Variants in CIPC observed in about 807,000 individuals in gnomAD.
The protein encoded by CIPC is CLOCK-interacting pacemaker.
In CIPC, 12 loss-of-function variants were observed where a neutral mutation model predicts 26.7. The observed-to-expected ratio is 0.45, with a 90% confidence interval of 0.29 to 0.73. The LOEUF (loss-of-function observed/expected upper bound fraction) is 0.73, where lower values mean the gene tolerates loss of function less well. Ranked by LOEUF, CIPC falls within the 30% of genes least tolerant of loss-of-function variation. The pLI is 0.12. For missense variants in CIPC, 417 were observed against 486.5 expected (o/e 0.86, Z 1.34); for synonymous variants, 170 against 189.8 (o/e 0.90, Z 0.86).
rs1196741275 is a variant in CIPC at position 77,115,095 on chromosome 14, C to T, written c.*777C>T. The T allele has an allele frequency of 1.3e-5, 2 of 152,222 alleles. No homozygotes were observed. Among genetic ancestry groups the T allele is most frequent in the Admixed American group, 6.5e-5 (1 of 15,272 alleles). The allele number at this position is 152,222 out of a possible 1,614,324, so 9.4% of individuals were successfully genotyped here. On this transcript the variant is annotated 3_prime_UTR_variant, in exon 4 of 4. Transcript: ENST00000361786. ...GAAAATAGACATAGCCGGCATATCT[C>T]ATGGTCAGGAGCTGGACGATTCTGG...
intron 1 of CIPC, among the ~76,000 whole-genome samples, chr14:77,100,240 CTTTTTTT>C (rs57785837): frequency 7.7e-6 from 1 of 130,522 alleles, no homozygotes; most frequent in South Asian, 2.3e-4. Context: ...TTCTTTCTTT[CTTTTTTT>C]TTTTTTTTTT....
chr14:77,105,641 T>C lies in CIPC; in HGVS notation c.-52-16T>C. 2.0e-6 allele frequency: 3 copies of C among 1,533,652 alleles called. No individual in the cohort carries two copies. The highest frequency in any genetic ancestry group is 2.7e-6 in the Non-Finnish European group (3 of 1,131,622). ...GCTCTCCAGGCAGTGACTTCTTATA[T>C]AATTGTTTTTCATAGGGCAGTCCAG... On this transcript the variant is annotated splice_polypyrimidine_tract_variant and intron_variant, in intron 1 of 3. Coordinates refer to ENST00000361786, the MANE Select transcript of CIPC (RefSeq NM_033426.3).
Position 77,113,757 on chromosome 14 carries a change from G to A in CIPC, c.639G>A (p.Ser213=), listed in dbSNP as rs532418694. The A allele has an allele frequency of 4.2e-5, 68 of 1,613,016 alleles. No homozygotes were observed. The highest frequency in any genetic ancestry group is 1.6e-4 in the East Asian group (7 of 44,870). Reference sequence around the variant, plus strand: ...CTGGTGCTGTCCCATCCAGTCCCTCGACGCCAGCACCACCCAGCGCCAAAC... The same window carrying A: ...CTGGTGCTGTCCCATCCAGTCCCTCAACGCCAGCACCACCCAGCGCCAAAC... ...TKAGAVPSSP[S]TPAPPSAKLA... Residue 213 remains serine (S), a synonymous_variant, in exon 4 of 4, where the codon TCG becomes TCA. Transcript: ENST00000361786.
At chr14:77,107,129 T>C (rs1416420577) in intron 2 of CIPC, among the ~76,000 whole-genome samples, 2 of 152,260 alleles carry the variant, frequency 1.3e-5, no homozygotes, top group African/African-American at 4.8e-5. Context: ...TGCCTCTTTT[T>C]TTCTTTTAAT....
intron 2 of CIPC, among the ~76,000 whole-genome samples, chr14:77,107,658 A>ACACTCTCTCTCT (rs1287077545): frequency 2.1e-5 from 3 of 145,156 alleles, no homozygotes; most frequent in Non-Finnish European, 4.5e-5. Context: ...ACACACACAC[A>ACACTCTCTCTCT]CTCTCTCTCT....
chr14:77,107,743 A>G (rs570271546), intron 2 of CIPC, among the ~76,000 whole-genome samples: 1 of 152,280 alleles, frequency 6.6e-6, no homozygotes, highest in East Asian at 1.9e-4. Flanking sequence ...CCTAAAAACA[A>G]GGACATTCTT....
intron 1 of CIPC, 119 bp downstream of exon 1, chr14:77,098,480 A>T (rs889980709): frequency 1.3e-5 from 2 of 153,590 alleles, no homozygotes; most frequent in Admixed American, 1.3e-4. Flanking sequence ...AGGAGCGAGT[A>T]GGCAAGAGGG....
Position 77,114,437 on chromosome 14 carries a change from T to A in CIPC, c.*119T>A. The A allele has an allele frequency of 1.7e-6, 2 of 1,158,850 alleles. No homozygotes were observed. Among genetic ancestry groups the A allele is most frequent in the Non-Finnish European group, 2.4e-6 (2 of 816,532 alleles). The allele number at this position is 1,158,850 out of a possible 1,614,324, so 71.8% of individuals were successfully genotyped here. A position where few individuals can be genotyped will look rare whatever the true frequency, so the allele number is the denominator to read the frequency against. ...CTTCTAAACTTAAACTGTGTTGTGGTTCACTTAGGAAGCCACGTGCCAATA... is the reference window on the plus strand; with the variant it reads ...CTTCTAAACTTAAACTGTGTTGTGGATCACTTAGGAAGCCACGTGCCAATA... On this transcript the variant is annotated 3_prime_UTR_variant, in exon 4 of 4. Transcript: ENST00000361786.
intron 3 of CIPC, among the ~76,000 whole-genome samples, 182 bp downstream of exon 3, chr14:77,110,163 T>C (rs930279157): frequency 6.6e-6 from 1 of 152,124 alleles, no homozygotes; most frequent in African/African-American, 2.4e-5. Flanking sequence ...GACACTGTTT[T>C]AAAAAGGAAT....
chr14:77,102,106 A>G (rs985577545), intron 1 of CIPC, among the ~76,000 whole-genome samples: 1 of 151,800 alleles, frequency 6.6e-6, no homozygotes, highest in Non-Finnish European at 1.5e-5. Flanking sequence ...CAAAACAAAA[A>G]CAAAAAGAGT....
chr14:77,114,175 C>G lies in CIPC; in HGVS notation c.1057C>G (p.Leu353Val). ...GGCAACTCAGGTAGAACTAGACCAG[C>G]TAAAGGAGCAAACCCAGCTGTTTAT... ...NQATQVELDQ[L>V]KEQTQLFIEA... The change falls in exon 4 of 4, where the codon CTA becomes GTA. Residue 353 changes from leucine (L) to valine (V), a missense_variant. Coordinates refer to ENST00000361786, the MANE Select transcript of CIPC (RefSeq NM_033426.3). 1.2e-6 allele frequency: 2 copies of G among 1,614,154 alleles called. No individual in the cohort carries two copies. Among genetic ancestry groups the G allele is most frequent in the Non-Finnish European group, 1.7e-6 (2 of 1,180,032 alleles).
chr14:77,115,296 G>GT lies in CIPC; in HGVS notation c.*978_*979insT, dbSNP rs1886791017. ...GTGATTATTATGCTTGATAAACTTT[G>GT]AATTAAATACAGTTGTCTTGAGGGT... is the stretch of plus-strand genomic sequence containing the variant. On this transcript the variant is annotated 3_prime_UTR_variant, in exon 4 of 4. Transcript: ENST00000361786. 1 of 145,094 alleles carries GT rather than the reference G, an allele frequency of 6.9e-6. No individual in the cohort carries two copies. The highest frequency in any genetic ancestry group is 7.0e-5 in the Admixed American group (1 of 14,328). The allele number at this position is 145,094 out of a possible 1,614,324, so 9.0% of individuals were successfully genotyped here.
Position 77,114,020 on chromosome 14 carries a change from G to T in CIPC, c.902G>T (p.Arg301Leu). 1 of 1,614,198 alleles carries T rather than the reference G, an allele frequency of 6.2e-7. No homozygotes were observed. Among genetic ancestry groups the T allele is most frequent in the Non-Finnish European group, 8.5e-7 (1 of 1,180,032 alleles). Residue 301 changes from arginine (R) to leucine (L), a missense_variant, in exon 4 of 4, where the codon CGC (arginine) becomes CTC (leucine). By Grantham distance (102) the Arg-to-Leu change is moderately radical. Coordinates refer to ENST00000361786, the MANE Select transcript of CIPC (RefSeq NM_033426.3). Reference sequence around the variant, plus strand: ...TTATGGGCTGCAGAGCACCTCTGCCGCAGCCCAGATATCTTTTCAGAGCAG... The same window carrying T: ...TTATGGGCTGCAGAGCACCTCTGCCTCAGCCCAGATATCTTTTCAGAGCAG... ...SPLWAAEHLC[R>L]SPDIFSEQRQ...
rs1566806657 is a variant in CIPC at position 77,113,900 on chromosome 14, C to T, written c.782C>T (p.Ser261Phe). 6.2e-7 allele frequency: 1 copy of T among 1,614,206 alleles called. No homozygotes were observed. The highest frequency in any genetic ancestry group is 1.1e-5 in the South Asian group (1 of 91,088). The change falls in exon 4 of 4, where the codon TCC becomes TTC. Residue 261 changes from serine to phenylalanine, a missense_variant. Coordinates refer to ENST00000361786, the MANE Select transcript of CIPC (RefSeq NM_033426.3). ...AAAGCTCCCAGTCTGACCTTCGCTT[C>T]CCCCGCCAGTCCTGTCTGCGCATCA... ...VAKAPSLTFA[S>F]PASPVCASDS...
Position 77,109,994 on chromosome 14 carries a change from A to G in CIPC, c.306+13A>G, listed in dbSNP as rs750540147. 4 of 1,611,972 alleles carry G rather than the reference A, an allele frequency of 2.5e-6. No homozygotes were observed. Among genetic ancestry groups the G allele is most frequent in the Non-Finnish European group, 3.4e-6 (4 of 1,178,300 alleles). ...GCTTGTCAAACAGGTGAGGAGGACTAATATCACCTAAAGTCTTTGCAAATA... is the reference window on the plus strand; with the variant it reads ...GCTTGTCAAACAGGTGAGGAGGACTGATATCACCTAAAGTCTTTGCAAATA... On this transcript the variant is annotated intron_variant, in intron 3 of 3. Transcript: ENST00000361786.
In CIPC at chr14:77,108,497, G is replaced by A. The variant is rs1347292975; in HGVS notation, c.137-1315G>A. On this transcript the variant is annotated intron_variant, in intron 2 of 3. Coordinates refer to ENST00000361786, the MANE Select transcript of CIPC (RefSeq NM_033426.3). ...ACCTGAGGTCAGGAATTCGAGACCA[G>A]CCTGACCAACATGGAGAAACCCTGT... Among the ~76,000 whole-genome samples the A allele has an allele frequency of 2.0e-5, 3 of 152,104 alleles. No homozygotes were observed. In the East Asian group the frequency reaches 5.8e-4, roughly 29 times the overall value.
chr14:77,107,600 T>C (rs1229785440), intron 2 of CIPC, among the ~76,000 whole-genome samples: 1 of 150,612 alleles, frequency 6.6e-6, no homozygotes, highest in African/African-American at 2.5e-5. Context: ...CTTTTTGCCA[T>C]ATATGCTTTC....
Position 77,114,171 on chromosome 14 carries a change from C to A in CIPC, c.1053C>A (p.Asp351Glu), listed in dbSNP as rs1031302627. The stretch of plus-strand genomic sequence containing the variant: ...ATCAGGCAACTCAGGTAGAACTAGA[C>A]CAGCTAAAGGAGCAAACCCAGCTGT... ...RQNQATQVELDQLKEQTQLFI... is the reference protein window; with the variant it reads ...RQNQATQVELEQLKEQTQLFI... The change falls in exon 4 of 4, where the codon GAC becomes GAA. Residue 351 changes from aspartate (D) to glutamate (E), a missense_variant. Asp to Glu is a conservative substitution (Grantham distance 45). Transcript: ENST00000361786. The A allele has an allele frequency of 2.5e-6, 4 of 1,614,020 alleles. No individual in the cohort carries two copies. The African/African-American group carries it at 5.3e-5, about 22-fold the overall frequency.
intron 1 of CIPC, among the ~76,000 whole-genome samples, chr14:77,104,386 C>T (rs193064276): frequency 6.6e-6 from 1 of 152,234 alleles, no homozygotes; most frequent in Non-Finnish European, 1.5e-5. Flanking sequence ...GACACTGTCT[C>T]AAAAAATAAG....
Sources: allele counts gnomAD v4.1 joint callset (sites outside exome capture counted in the v4.1 genomes callset), GRCh38; gene constraint gnomAD v4.1.1; transcripts MANE v1.5; gene names NCBI Gene and HGNC (gene_info 2026-07-23, HGNC 2026-07-21).